The following HNF1B variants were observed in gnomAD, a reference collection of about 807,000 sequenced individuals.
HNF1B encodes the protein HNF1 homeobox B, also known as hepatocyte nuclear factor 1-beta.
HNF1B carries 8 observed loss-of-function variants against 61.7 expected under a neutral mutation model. The ratio of observed to expected loss-of-function variants is 0.13; its 90% confidence interval spans 0.08 to 0.23. HNF1B has a LOEUF of 0.23. Ranked by LOEUF, HNF1B falls within the 10% of genes least tolerant of loss-of-function variation. HNF1B has a pLI of 1.00. For missense variants in HNF1B, 562 were observed against 714.5 expected, an observed-to-expected ratio of 0.79 and a Z score of 2.43; for synonymous variants, 314 against 287.7, an observed-to-expected ratio of 1.09 and a Z score of -0.93.
intron 5 of HNF1B, among the ~76,000 whole-genome samples, chr17:37,706,838 T>C (rs955306607): frequency 5.3e-5 from 8 of 152,322 alleles, no homozygotes; most frequent in Admixed American, 4.6e-4. Flanking sequence ...AAAAATAATT[T>C]AAATGTGTGT....
At chr17:37,733,343 T>C (rs1009152259) in intron 3 of HNF1B, among the ~76,000 whole-genome samples, 5 of 152,206 alleles carry the variant, frequency 3.3e-5, no homozygotes, top group Admixed American at 2.0e-4. Flanking sequence ...CTTTAATATA[T>C]GTTGTGACTC....
At chr17:37,688,765 G>A (rs2032079516) in intron 8 of HNF1B, among the ~76,000 whole-genome samples, 1 of 152,144 alleles carries the variant, frequency 6.6e-6, no homozygotes, top group Non-Finnish European at 1.5e-5. Context: ...AACACCTGTG[G>A]AGTCCTGAGC....
chr17:37,733,693 C>T lies in HNF1B; in HGVS notation c.673G>A (p.Glu225Lys). ...CGGCGCATCTTCTTGTTGGTGGGCTCAGAGCAGGCATCATCGGACTGCCCA... is the reference window on the plus strand; with the variant it reads ...CGGCGCATCTTCTTGTTGGTGGGCTTAGAGCAGGCATCATCGGACTGCCCA... ...GPGQSDDACS[E>K]PTNKKMRRNR... Residue 225 changes from glutamate (E) to lysine (K), a missense_variant, in exon 3 of 9, where the codon GAG (glutamate) becomes AAG (lysine). Glu to Lys is a moderately conservative substitution (Grantham distance 56). This residue lies in a region of HNF1B where 69 missense variants were observed against 81.2 expected (regional missense o/e 0.85). Transcript: ENST00000617811. The T allele has an allele frequency of 6.2e-7, 1 of 1,614,150 alleles. No homozygotes were observed. The highest frequency in any genetic ancestry group is 8.5e-7 in the Non-Finnish European group (1 of 1,180,030).
chr17:37,694,668 T>C (rs1713097203), intron 8 of HNF1B, among the ~76,000 whole-genome samples: 1 of 151,902 alleles, frequency 6.6e-6, no homozygotes, highest in African/African-American at 2.4e-5. Context: ...AGGAACTGAT[T>C]GGGAACTAGA....
At chr17:37,696,183 A>G (rs1367285585) in intron 8 of HNF1B, among the ~76,000 whole-genome samples, 2 of 152,082 alleles carry the variant, frequency 1.3e-5, no homozygotes, top group South Asian at 2.1e-4. Flanking sequence ...GGTGGCTCAC[A>G]CCTGTAATCC....
intron 4 of HNF1B, among the ~76,000 whole-genome samples, chr17:37,714,137 G>A (rs1378644948): frequency 6.6e-6 from 1 of 152,220 alleles, no homozygotes; most frequent in East Asian, 1.9e-4. Context: ...ATATCCATCT[G>A]TCAGGTCATT....
At chr17:37,736,135 A>G (rs2033825553) in intron 2 of HNF1B, among the ~76,000 whole-genome samples, 1 of 152,192 alleles carries the variant, frequency 6.6e-6, no homozygotes, top group Non-Finnish European at 1.5e-5. Flanking sequence ...CTCTAAATGC[A>G]GTTACTTGAG....
At chr17:37,692,789 C>T (rs925703891) in intron 8 of HNF1B, among the ~76,000 whole-genome samples, 4 of 152,048 alleles carry the variant, frequency 2.6e-5, no homozygotes, top group African/African-American at 9.7e-5. Context: ...GATCCGGAGC[C>T]CAGGCCCAAG....
chr17:37,742,463 G>A (rs974022732), intron 1 of HNF1B, among the ~76,000 whole-genome samples: 1 of 152,218 alleles, frequency 6.6e-6, no homozygotes, highest in Non-Finnish European at 1.5e-5. Context: ...AAAGAAGGGA[G>A]TGCGTGTGCC....
intron 2 of HNF1B, among the ~76,000 whole-genome samples, chr17:37,735,581 A>G (rs997143469): frequency 1.3e-4 from 20 of 152,162 alleles, no homozygotes; most frequent in African/African-American, 2.4e-5. Context: ...TGTCAAATGT[A>G]CTAGCAGGAA....
Position 37,701,035 on chromosome 17 carries a change from G to C in HNF1B, c.1482C>G (p.His494Gln), listed in dbSNP as rs1224969328. ...QPLMQQSPGS[H>Q]MAQQPFMAAV... ...CTGCCATGAAGGGCTGCTGGGCCAT[G>C]TGGCTGCCTGGGCTCTGCTGCATGA... The change falls in exon 7 of 9, where the codon CAC (histidine) becomes CAG (glutamine). Residue 494 changes from histidine to glutamine, a missense_variant. Transcript: ENST00000617811. The C allele has an allele frequency of 4.5e-6, 7 of 1,556,530 alleles. No homozygotes were observed. The highest frequency in any genetic ancestry group is 6.1e-6 in the Non-Finnish European group (7 of 1,149,648).
chr17:37,693,270 C>G (rs1351822389), intron 8 of HNF1B, among the ~76,000 whole-genome samples: 1 of 145,884 alleles, frequency 6.9e-6, no homozygotes, highest in African/African-American at 2.6e-5. Flanking sequence ...GGAGAGAAAA[C>G]AGGGAGGGGG....
intron 4 of HNF1B, among the ~76,000 whole-genome samples, chr17:37,716,798 G>A (rs2033129810): frequency 6.6e-6 from 1 of 150,894 alleles, no homozygotes. Context: ...GGAATTCCAT[G>A]ATTCCAGAGA....
intron 6 of HNF1B, among the ~76,000 whole-genome samples, chr17:37,702,613 G>A (rs2032610102): frequency 6.6e-6 from 1 of 152,228 alleles, no homozygotes; most frequent in Non-Finnish European, 1.5e-5. Flanking sequence ...ATCTTTGAGA[G>A]CACTGCTGCT....
At chr17:37,727,134 C>G (rs1368251783) in intron 4 of HNF1B, among the ~76,000 whole-genome samples, 2 of 152,222 alleles carry the variant, frequency 1.3e-5, no homozygotes, top group African/African-American at 2.4e-5. Flanking sequence ...CCAATCAATA[C>G]AAGCACCAGG....
chr17:37,709,956 A>G lies in HNF1B; in HGVS notation c.1206+547T>C, dbSNP rs150311203. ...CCCTAAGCATCGCCCCACCCCATCT[A>G]CCATTTGTGCTGTGATCTTCGCTGT... On this transcript the variant is annotated intron_variant, in intron 5 of 8. Transcript: ENST00000617811. Among the ~76,000 whole-genome samples, 4 of 152,118 alleles carry G rather than the reference A, an allele frequency of 2.6e-5. No homozygotes were observed. In the East Asian group the frequency reaches 7.7e-4, roughly 29 times the overall value.
chr17:37,742,216 T>C (rs2034013299), intron 1 of HNF1B, among the ~76,000 whole-genome samples: 1 of 152,218 alleles, frequency 6.6e-6, no homozygotes, highest in Non-Finnish European at 1.5e-5. Context: ...AGCGCGTTCG[T>C]TAAGGAGCCC....
chr17:37,733,831 GA>G lies in HNF1B; in HGVS notation c.545-11del. The G allele has an allele frequency of 6.2e-7, 1 of 1,613,930 alleles. No homozygotes were observed. On this transcript the variant is annotated splice_polypyrimidine_tract_variant and intron_variant, in intron 2 of 8. Coordinates refer to ENST00000617811, the MANE Select transcript of HNF1B (RefSeq NM_000458.4). Reference sequence around the variant, plus strand: ...ACTGTCTGGTTGAATTCTGAAAAGAGAAAGGAGTAGATTTGATAGGGTCTGT... The same window carrying G: ...ACTGTCTGGTTGAATTCTGAAAAGAGAAGGAGTAGATTTGATAGGGTCTGT...
intron 4 of HNF1B, among the ~76,000 whole-genome samples, chr17:37,716,679 G>C (rs988928468): frequency 1.3e-5 from 2 of 152,150 alleles, no homozygotes; most frequent in African/African-American, 4.8e-5. Context: ...AGCTGCTCAG[G>C]GTGCCATTCA....
Sources: allele counts gnomAD v4.1 joint callset (sites outside exome capture counted in the v4.1 genomes callset), GRCh38; gene constraint gnomAD v4.1.1; regional missense constraint gnomAD v4.1.1; transcripts MANE v1.5; gene names NCBI Gene and HGNC (gene_info 2026-07-23, HGNC 2026-07-21).